CBFA2T2: variants seen among roughly 807,000 people sequenced by gnomAD.
The protein encoded by CBFA2T2 is CBFA2/RUNX1 partner transcriptional co-repressor 2, also known as protein CBFA2T2.
In CBFA2T2, 11 loss-of-function variants were observed where a neutral mutation model predicts 62.2. That is an observed-to-expected ratio of 0.18 (90% CI 0.11 to 0.29). The LOEUF (loss-of-function observed/expected upper bound fraction) is 0.29. Among genes scored for constraint, CBFA2T2 ranks in the 10% least tolerant of loss-of-function variants. The pLI, the probability that CBFA2T2 is intolerant of heterozygous loss-of-function variation, is 1.00. For missense variants in CBFA2T2, 592 were observed against 774.1 expected (o/e 0.76, Z 2.79); for synonymous variants, 295 against 287.5 (o/e 1.03, Z -0.27).
At chr20:33,630,233 C>G (rs1004241328) in intron 8 of CBFA2T2, among the ~76,000 whole-genome samples, 2 of 152,146 alleles carry the variant, frequency 1.3e-5, no homozygotes, top group African/African-American at 4.8e-5. Context: ...CAGGCCTGAG[C>G]CACTGTGCCC....
chr20:33,575,435 A>T (rs2013775667), intron 1 of CBFA2T2, among the ~76,000 whole-genome samples: 1 of 152,240 alleles, frequency 6.6e-6, no homozygotes, highest in Non-Finnish European at 1.5e-5. Flanking sequence ...TCCCAGGCTG[A>T]GGAAATCATT....
rs1278370460 is a variant in CBFA2T2, at chr20:33,645,280, C to T, written c.*634C>T. On this transcript the variant is annotated 3_prime_UTR_variant, in exon 11 of 11. Transcript: ENST00000342704. ...CAAAAACATAAAACAAATAAAACTT[C>T]CCCCACATCACAGATGATTTTGGAC... 1 of 152,136 alleles carries T rather than the reference C, an allele frequency of 6.6e-6. No individual in the cohort carries two copies. Among genetic ancestry groups the T allele is most frequent in the Non-Finnish European group, 1.5e-5 (1 of 68,042 alleles). 9.4% of individuals were successfully genotyped at this position (152,136 alleles called of 1,614,324 possible).
At chr20:33,568,991 C>A (rs1274894100) in intron 1 of CBFA2T2, among the ~76,000 whole-genome samples, 1 of 152,094 alleles carries the variant, frequency 6.6e-6, no homozygotes, top group African/African-American at 2.4e-5. Flanking sequence ...TGTAGAAACA[C>A]CAGAGTGTCA....
At chr20:33,570,967 C>G (rs1346406604) in intron 1 of CBFA2T2, among the ~76,000 whole-genome samples, 4 of 152,164 alleles carry the variant, frequency 2.6e-5, no homozygotes, top group Admixed American at 2.6e-4. Context: ...TTGTCGGGGC[C>G]CCAGGCTTCT....
At chr20:33,548,062 G>A (rs560042755) in intron 1 of CBFA2T2, among the ~76,000 whole-genome samples, 1 of 151,056 alleles carries the variant, frequency 6.6e-6, no homozygotes, top group East Asian at 2.0e-4. Flanking sequence ...TGAGCCACTG[G>A]ACGATACCTG....
chr20:33,537,135 G>A (rs1468061421), intron 1 of CBFA2T2, among the ~76,000 whole-genome samples: 5 of 152,226 alleles, frequency 3.3e-5, no homozygotes, highest in African/African-American at 4.8e-5. Flanking sequence ...GCCAAGGCAG[G>A]CGGCTGGGAG....
intron 1 of CBFA2T2, among the ~76,000 whole-genome samples, chr20:33,585,078 T>C (rs932550253): frequency 2.0e-5 from 3 of 152,142 alleles, no homozygotes; most frequent in Non-Finnish European, 4.4e-5. Flanking sequence ...AAATACCCTG[T>C]CCTGTTGTTC....
intron 1 of CBFA2T2, among the ~76,000 whole-genome samples, chr20:33,543,074 C>A (rs2012448513): frequency 6.6e-6 from 1 of 152,006 alleles, no homozygotes; most frequent in African/African-American, 2.4e-5. Flanking sequence ...AGTGCAGTGG[C>A]ATGATATTGG....
Position 33,645,342 on chromosome 20 carries a change from A to G in CBFA2T2, c.*696A>G, listed in dbSNP as rs1012857741. On this transcript the variant is annotated 3_prime_UTR_variant, in exon 11 of 11. Coordinates refer to ENST00000342704, the MANE Select transcript of CBFA2T2 (RefSeq NM_001032999.3). ...ACCTTGCTGGCTACTTTAGTTTGGGACCTGTTTTTTTTCTCATTTGATTTT... is the reference window on the plus strand; with the variant it reads ...ACCTTGCTGGCTACTTTAGTTTGGGGCCTGTTTTTTTTCTCATTTGATTTT... 1 of 152,136 alleles carries G rather than the reference A, an allele frequency of 6.6e-6. No individual in the cohort carries two copies. Among genetic ancestry groups the G allele is most frequent in the African/African-American group, 2.4e-5 (1 of 41,430 alleles). 9.4% of individuals were successfully genotyped at this position (152,136 alleles called of 1,614,324 possible). A position where few individuals can be genotyped will look rare whatever the true frequency, so the allele number is the denominator to read the frequency against.
At chr20:33,492,603 C>G (rs1215890271) in intron 1 of CBFA2T2, among the ~76,000 whole-genome samples, 1 of 152,070 alleles carries the variant, frequency 6.6e-6, no homozygotes, top group Non-Finnish European at 1.5e-5. Flanking sequence ...CAGCCTCAAC[C>G]TCCTGGGTTC....
chr20:33,624,095 G>A (rs1227254000), intron 5 of CBFA2T2: 3 of 519,838 alleles, frequency 5.8e-6, no homozygotes, highest in African/African-American at 3.9e-5. Context: ...ATTTGCCAAT[G>A]ACTCACCTTT....
Position 33,640,686 on chromosome 20 carries a change from T to C in CBFA2T2, c.1488+155T>C, listed in dbSNP as rs145183734. Among the ~76,000 whole-genome samples, 517 of 152,330 alleles carry C rather than the reference T, an allele frequency of 3.4e-3. 3 individuals are homozygous for C. Among genetic ancestry groups the C allele is most frequent in the African/African-American group, 0.012 (495 of 41,572 alleles). On this transcript the variant is annotated intron_variant, in intron 10 of 10. Transcript: ENST00000342704. ...AGTGCCAGGAGAGTTTTGGTTCTCATGCTAAGACTCTTTTACATGCCAAGA... is the reference window on the plus strand; with the variant it reads ...AGTGCCAGGAGAGTTTTGGTTCTCACGCTAAGACTCTTTTACATGCCAAGA...
chr20:33,503,504 C>G (rs1341811509), intron 1 of CBFA2T2, among the ~76,000 whole-genome samples: 2 of 152,076 alleles, frequency 1.3e-5, no homozygotes, highest in East Asian at 3.9e-4. Context: ...CCGCCCGCCT[C>G]GGCCTCCCAA....
At chr20:33,493,436 C>T (rs973140955) in intron 1 of CBFA2T2, among the ~76,000 whole-genome samples, 1 of 152,154 alleles carries the variant, frequency 6.6e-6, no homozygotes, top group Non-Finnish European at 1.5e-5. Flanking sequence ...GTCTTAAAAT[C>T]GGTGCTTCAA....
At chr20:33,606,912 A>T in intron 1 of CBFA2T2, 44 bp from the exon 2 acceptor site, 1 of 1,591,252 alleles carries the variant, frequency 6.3e-7, no homozygotes, top group Non-Finnish European at 8.6e-7. Context: ...TGTTTTTGCA[A>T]ACTTTTAGAA....
intron 1 of CBFA2T2, among the ~76,000 whole-genome samples, chr20:33,545,470 T>G (rs686336): frequency 4.4e-4 from 67 of 151,438 alleles, no homozygotes; most frequent in Middle Eastern, 3.4e-3. Flanking sequence ...TCTTTCTTTC[T>G]TTCGTTCGTT....
At chr20:33,550,076 A>T (rs184192890) in intron 1 of CBFA2T2, among the ~76,000 whole-genome samples, 6 of 152,288 alleles carry the variant, frequency 3.9e-5, no homozygotes, top group Non-Finnish European at 8.8e-5. Context: ...AGAAGATACT[A>T]AGAGCTATAG....
intron 4 of CBFA2T2, 131 bp downstream of exon 4, chr20:33,619,737 T>C (rs779921984): frequency 1.8e-5 from 11 of 600,430 alleles, no homozygotes; most frequent in Non-Finnish European, 2.9e-5. Flanking sequence ...TAGAGAGGTC[T>C]GAGTGCAGTT....
rs549009785 is a variant in CBFA2T2, at chr20:33,538,128, TTAA to T, written c.34+47829_34+47831del. Among the ~76,000 whole-genome samples the T allele has an allele frequency of 4.2e-3, 638 of 152,320 alleles. 4 individuals are homozygous for T. The highest frequency in any genetic ancestry group is 0.014 in the African/African-American group (592 of 41,570). The stretch of plus-strand genomic sequence containing the variant: ...AATTAAATTAGTGATTTTATTTTAA[TTAA>T]TGTTTCTCAGTAGTATTTTTGTGTT... On this transcript the variant is annotated intron_variant, in intron 1 of 10. Coordinates refer to ENST00000342704, the MANE Select transcript of CBFA2T2 (RefSeq NM_001032999.3).
Sources: gnomAD v4.1 joint callset for allele counts (sites outside exome capture counted in the v4.1 genomes callset) on GRCh38, gnomAD v4.1.1 for gene constraint, MANE v1.5 for transcripts, NCBI Gene and HGNC (gene_info 2026-07-23, HGNC 2026-07-21) for gene names.